Variants in TTC34 observed in about 807,000 individuals in gnomAD.
TTC34 encodes tetratricopeptide repeat protein 34.
A neutral mutation model predicts 40.7 loss-of-function variants in TTC34; 44 were observed. That is an observed-to-expected ratio of 1.08 (90% CI 0.85 to 1.39). The LOEUF is 1.39. Among genes scored for constraint, TTC34 ranks in the 40% most tolerant of loss-of-function variants. TTC34 has a pLI of 0.00. For missense variants in TTC34, 884 were observed against 838.0 expected (o/e 1.05, Z -0.68); for synonymous variants, 422 against 398.6 (o/e 1.06, Z -0.70).
chr1:2,677,914 C>G (rs1352759537), intron 6 of TTC34, among the ~76,000 whole-genome samples: 5 of 38,646 alleles, frequency 1.3e-4, no homozygotes, highest in Non-Finnish European at 2.2e-4. Context: ...ATCTGACAGC[C>G]TGGAGCAGCA....
chr1:2,752,423 A>C (rs1414279277), intron 6 of TTC34, among the ~76,000 whole-genome samples: 3 of 135,874 alleles, frequency 2.2e-5, no homozygotes, highest in Non-Finnish European at 3.1e-5. Context: ...CCAGGTGAGC[A>C]TCTGACAGCC....
chr1:2,764,179 C>G (rs1267695598), intron 6 of TTC34, among the ~76,000 whole-genome samples: 1 of 149,686 alleles, frequency 6.7e-6, no homozygotes, highest in Non-Finnish European at 1.5e-5. Context: ...CAGCACCCTG[C>G]AACCCCAGGT....
chr1:2,692,422 ACCCCCAGGTGAGCATCTGACT>A (rs1640663414), intron 6 of TTC34, among the ~76,000 whole-genome samples: 9 of 114,418 alleles, frequency 7.9e-5, no homozygotes, highest in East Asian at 2.3e-4. Context: ...CAGCACCCAC[ACCCCCAGGTGAGCATCTGACT>A]GCCTGGAGCA....
At chr1:2,801,069 T>C (rs2100640001) in intron 1 of TTC34, among the ~76,000 whole-genome samples, 1 of 152,168 alleles carries the variant, frequency 6.6e-6, no homozygotes, top group Non-Finnish European at 1.5e-5. Flanking sequence ...TCCAGCCCAC[T>C]GTTCACCTCT....
chr1:2,756,935 C>G (rs1641526194), intron 6 of TTC34, among the ~76,000 whole-genome samples: 1 of 152,146 alleles, frequency 6.6e-6, no homozygotes, highest in Non-Finnish European at 1.5e-5. Context: ...CAGCCTGGAA[C>G]AGAACCCACA....
intron 2 of TTC34, among the ~76,000 whole-genome samples, chr1:2,793,028 G>T (rs1323592888): frequency 6.6e-6 from 1 of 152,246 alleles, no homozygotes; most frequent in East Asian, 1.9e-4. Flanking sequence ...TGTGGGACAT[G>T]TAGGCAAGCT....
At chr1:2,797,256 C>T (rs1370956584) in intron 2 of TTC34, among the ~76,000 whole-genome samples, 2 of 152,056 alleles carry the variant, frequency 1.3e-5, no homozygotes, top group East Asian at 1.9e-4. Flanking sequence ...GTTCAGTAAA[C>T]GGCAGCTAAT....
At chr1:2,759,541 C>G (rs1641622522) in intron 6 of TTC34, among the ~76,000 whole-genome samples, 28 of 151,596 alleles carry the variant, frequency 1.8e-4, no homozygotes, top group Admixed American at 5.3e-4. Flanking sequence ...ATCTGACAGC[C>G]TGGAACAGCA....
chr1:2,653,930 C>A (rs78257942), intron 6 of TTC34, among the ~76,000 whole-genome samples: 2 of 150,254 alleles, frequency 1.3e-5, no homozygotes, highest in African/African-American at 2.5e-5. Context: ...GCACCCACAC[C>A]CCCAGGTGAG....
At chr1:2,769,712 C>A (rs548014202) in intron 6 of TTC34, among the ~76,000 whole-genome samples, 67 of 148,206 alleles carry the variant, frequency 4.5e-4, no homozygotes, top group Non-Finnish European at 8.1e-4. Flanking sequence ...GCACCCACAC[C>A]CCCAGGTGAG....
chr1:2,690,174 C>CA (rs1640551458), intron 6 of TTC34, among the ~76,000 whole-genome samples: 1 of 142,330 alleles, frequency 7.0e-6, no homozygotes, highest in Non-Finnish European at 1.6e-5. Flanking sequence ...GAGCAGCACC[C>CA]CACACCCACA....
chr1:2,681,109 G>T (rs1432400654), intron 6 of TTC34, among the ~76,000 whole-genome samples: 1 of 90,378 alleles, frequency 1.1e-5, no homozygotes, highest in South Asian at 3.3e-4. Flanking sequence ...CACACCCCCA[G>T]GTGAGCATCT....
intron 4 of TTC34, 110 bp downstream of exon 4, chr1:2,787,371 G>C (rs1259759745): frequency 9.6e-7 from 1 of 1,038,338 alleles, no homozygotes; most frequent in Non-Finnish European, 1.3e-6. Context: ...CAGTCGCCTG[G>C]TCCAAAGCCC....
exon 9 of TTC34, chr1:2,641,302 G>A: frequency 7.0e-7 from 1 of 1,438,384 alleles, no homozygotes; most frequent in South Asian, 1.4e-5. Flanking sequence ...ACACCCCTGG[G>A]CCTGGACATC....
In TTC34 at chr1:2,645,587, G is replaced by GGGGGGGGGGGGGGCCCCC; in HGVS notation, c.2227-25_2227-24insGGGGGCCCCCCCCCCCCC. 4.4e-6 allele frequency: 1 copy of GGGGGGGGGGGGGGCCCCC among 229,532 alleles called. No individual in the cohort carries two copies. The highest frequency in any genetic ancestry group is 8.6e-6 in the Non-Finnish European group (1 of 116,454). 14.2% of individuals were successfully genotyped at this position (229,532 alleles called of 1,614,324 possible). ...TCCTGCAAGGAGGGAGGGCGGGCGG[G>GGGGGGGGGGGGGGCCCCC]TGCAGAGTTGTCCTAAGTAGAGAAA... On this transcript the variant is annotated intron_variant, in intron 6 of 8. Transcript: ENST00000401095. This position sits in a 1 kb window ranked among gnomAD's most constrained non-coding sequence, Gnocchi z 4.7.
Position 2,647,235 on chromosome 1 carries a change from C to T in TTC34, c.2227-1672G>A, listed in dbSNP as rs142874761. On this transcript the variant is annotated intron_variant, in intron 6 of 8. Coordinates refer to ENST00000401095, the Ensembl canonical transcript of TTC34. The stretch of plus-strand genomic sequence containing the variant: ...GTGTATATTTGTCCCATTCATTCTC[C>T]GTATTCTCTGGGAGTCCAATCACAT... 1.8e-4 allele frequency among the ~76,000 whole-genome samples: 27 copies of T among 152,200 alleles called. No individual in the cohort carries two copies. The East Asian group carries it at 3.1e-3, about 17-fold the overall frequency.
intron 6 of TTC34, among the ~76,000 whole-genome samples, chr1:2,751,907 A>T (rs1429748728): frequency 1.3e-4 from 14 of 107,668 alleles, no homozygotes; most frequent in Admixed American, 1.9e-4. Flanking sequence ...TGAGCATCTG[A>T]TGGTCTGGAG....
At chr1:2,750,567 C>CCAGGTGAG (rs1641284859) in intron 6 of TTC34, among the ~76,000 whole-genome samples, 2 of 147,298 alleles carry the variant, frequency 1.4e-5, no homozygotes, top group Admixed American at 1.4e-4. Context: ...ACCCACACCC[C>CCAGGTGAG]CAGGTGAGCA....
At chr1:2,753,409 C>A (rs1641393179) in intron 6 of TTC34, among the ~76,000 whole-genome samples, 2 of 127,738 alleles carry the variant, frequency 1.6e-5, no homozygotes, top group Non-Finnish European at 3.2e-5. Context: ...TGTAACAGCA[C>A]CCACACCCAC....
Sources: gnomAD v4.1 joint callset for allele counts (sites outside exome capture counted in the v4.1 genomes callset) on GRCh38, gnomAD v4.1.1 for gene constraint, Gnocchi (gnomAD v3.1) non-coding constraint, MANE v1.5 for transcripts, NCBI Gene and HGNC (gene_info 2026-07-23, HGNC 2026-07-21) for gene names.